The following LRRTM4 variants were observed in gnomAD, a reference collection of about 807,000 sequenced individuals.
LRRTM4 encodes the protein leucine-rich repeat transmembrane neuronal protein 4.
LRRTM4 carries 25 observed loss-of-function variants against 47.6 expected under a neutral mutation model. That is an observed-to-expected ratio of 0.53 (90% CI 0.38 to 0.73). LRRTM4 has a LOEUF of 0.73. Among genes scored for constraint, LRRTM4 ranks in the 30% least tolerant of loss-of-function variants. The pLI, the probability that LRRTM4 is intolerant of heterozygous loss-of-function variation, is 0.00. For synonymous variants in LRRTM4, 311 were observed against 269.5 expected (o/e 1.15, Z -1.51); for missense variants, 638 against 713.4 (o/e 0.89, Z 1.20).
At chr2:77,278,000 T>C (rs767483455) in intron 3 of LRRTM4, among the ~76,000 whole-genome samples, 2 of 151,972 alleles carry the variant, frequency 1.3e-5, no homozygotes, top group Non-Finnish European at 2.9e-5. Context: ...CTCTCTTTCT[T>C]TCCCCCAGAA....
At chr2:76,813,849 A>ATCTT (rs773023631) in intron 3 of LRRTM4, among the ~76,000 whole-genome samples, 64 of 152,306 alleles carry the variant, frequency 4.2e-4, no homozygotes, top group Middle Eastern at 3.4e-3. Flanking sequence ...TATTCTTACC[A>ATCTT]TCTTACATTA....
At position 77,357,897 on chromosome 2, in the gene LRRTM4, G is replaced by C. The variant is rs960467258; in HGVS notation, c.1551+160421C>G. Among the ~76,000 whole-genome samples, 3 of 151,770 alleles carry C rather than the reference G, an allele frequency of 2.0e-5. No homozygotes were observed. In the South Asian group the frequency reaches 6.3e-4, roughly 32 times the overall value. Reference sequence around the variant, plus strand: ...AGAAAAAATAACTTCCCACTCAGAGGGATTCTTATTATTTTATTTCCTCCC... The same window carrying C: ...AGAAAAAATAACTTCCCACTCAGAGCGATTCTTATTATTTTATTTCCTCCC... On this transcript the variant is annotated intron_variant, in intron 3 of 3. Coordinates refer to ENST00000409884, the MANE Select transcript of LRRTM4 (RefSeq NM_001134745.3).
chr2:77,477,550 C>T lies in LRRTM4; in HGVS notation c.1551+40768G>A, dbSNP rs190246123. Among the ~76,000 whole-genome samples, 357 of 151,948 alleles carry T rather than the reference C, an allele frequency of 2.3e-3. 2 individuals are homozygous for T. Among genetic ancestry groups the T allele is most frequent in the East Asian group, 0.018 (90 of 5,136 alleles). Reference sequence around the variant, plus strand: ...AGTATATGTAATGTTTTGTGCCCTTCAAAGCCACTAGGCCAGGCACAGTGG... The same window carrying T: ...AGTATATGTAATGTTTTGTGCCCTTTAAAGCCACTAGGCCAGGCACAGTGG... On this transcript the variant is annotated intron_variant, in intron 3 of 3. Coordinates refer to ENST00000409884, the MANE Select transcript of LRRTM4 (RefSeq NM_001134745.3).
chr2:76,750,541 GTT>G (rs1349274934), intron 3 of LRRTM4, among the ~76,000 whole-genome samples: 2 of 152,144 alleles, frequency 1.3e-5, no homozygotes, highest in Non-Finnish European at 2.9e-5. Context: ...ACTGGACTAT[GTT>G]TGAATCCTTC....
chr2:76,813,960 C>G (rs148818473), intron 3 of LRRTM4, among the ~76,000 whole-genome samples: 2 of 152,000 alleles, frequency 1.3e-5, no homozygotes, highest in African/African-American at 4.8e-5. Context: ...TTTTATTTTC[C>G]TGTTCCTGGA....
chr2:77,144,578 C>T (rs1672206967), intron 3 of LRRTM4, among the ~76,000 whole-genome samples: 1 of 152,170 alleles, frequency 6.6e-6, no homozygotes, highest in Admixed American at 6.5e-5. Context: ...TGTAGCTCAA[C>T]TCTACTCTGC....
At position 77,089,242 on chromosome 2, in the gene LRRTM4, T is replaced by A. The variant is rs1170747646; in HGVS notation, c.1552-340326A>T. On this transcript the variant is annotated intron_variant, in intron 3 of 3. Coordinates refer to ENST00000409884, the MANE Select transcript of LRRTM4 (RefSeq NM_001134745.3). ...CAAGTAACCGAACCCCTTGTCTTCT[T>A]GTCTCTACCCCTTCTCTGCTTTTCT... Among the ~76,000 whole-genome samples, 4 of 151,720 alleles carry A rather than the reference T, an allele frequency of 2.6e-5. No individual in the cohort carries two copies. The East Asian group carries it at 7.8e-4, about 30-fold the overall frequency.
intron 3 of LRRTM4, among the ~76,000 whole-genome samples, chr2:77,267,640 C>T (rs1366895762): frequency 1.3e-5 from 2 of 152,228 alleles, no homozygotes; most frequent in East Asian, 1.9e-4. Flanking sequence ...CACTTCATAA[C>T]ACCATTAGAG....
intron 3 of LRRTM4, among the ~76,000 whole-genome samples, chr2:77,477,712 G>T (rs1381339681): frequency 6.6e-6 from 1 of 151,406 alleles, no homozygotes; most frequent in African/African-American, 2.4e-5. Context: ...TACAAAATTA[G>T]CTCTGTGTGG....
intron 3 of LRRTM4, among the ~76,000 whole-genome samples, chr2:76,943,047 T>C (rs1046737439): frequency 4.6e-5 from 7 of 152,184 alleles, no homozygotes; most frequent in Non-Finnish European, 1.0e-4. Context: ...AGGGACATTA[T>C]GAAATACCAT....
chr2:76,823,790 G>C (rs1451822150), intron 3 of LRRTM4, among the ~76,000 whole-genome samples: 1 of 151,484 alleles, frequency 6.6e-6, no homozygotes, highest in African/African-American at 2.4e-5. Flanking sequence ...TCAAAGAGCA[G>C]AGAAAATGTT....
chr2:77,091,252 C>G lies in LRRTM4; in HGVS notation c.1552-342336G>C, dbSNP rs562228384. Among the ~76,000 whole-genome samples, 59 of 150,232 alleles carry G rather than the reference C, an allele frequency of 3.9e-4. No individual in the cohort carries two copies. The East Asian group carries it at 7.8e-3, about 20-fold the overall frequency. On this transcript the variant is annotated intron_variant, in intron 3 of 3. Transcript: ENST00000409884. ...TTTGCGTCCTCCTCTTGTATCCCCC[C>G]ACCTTAACCCACAAGTATAAGATAC...
chr2:76,979,774 G>A (rs970436116), intron 3 of LRRTM4, among the ~76,000 whole-genome samples: 1 of 151,686 alleles, frequency 6.6e-6, no homozygotes, highest in African/African-American at 2.4e-5. Context: ...AGTATTTGAA[G>A]ATGTTTCAGC....
At position 76,782,658 on chromosome 2, in the gene LRRTM4, A is replaced by G. The variant is rs539769856; in HGVS notation, c.1552-33742T>C. Among the ~76,000 whole-genome samples the G allele has an allele frequency of 6.4e-4, 98 of 152,204 alleles. No individual in the cohort carries two copies. In the South Asian group the frequency reaches 0.02, roughly 31 times the overall value. On this transcript the variant is annotated intron_variant, in intron 3 of 3. Coordinates refer to ENST00000409884, the MANE Select transcript of LRRTM4 (RefSeq NM_001134745.3). ...TCTGTGCTTTTTTGCTTACATTTTG[A>G]TACCTGTTAACTTTTTCTGATTTTT...
At chr2:77,058,397 T>C (rs1179833409) in intron 3 of LRRTM4, among the ~76,000 whole-genome samples, 1 of 152,158 alleles carries the variant, frequency 6.6e-6, no homozygotes, top group African/African-American at 2.4e-5. Flanking sequence ...TAGGCAAATG[T>C]GAAGAGAGGG....
chr2:76,786,676 C>T (rs1418547587), intron 3 of LRRTM4, among the ~76,000 whole-genome samples: 1 of 151,980 alleles, frequency 6.6e-6, no homozygotes, highest in African/African-American at 2.4e-5. Flanking sequence ...AGACAACTTC[C>T]TCCACTTCTT....
At chr2:76,797,589 T>A (rs1040023087) in intron 3 of LRRTM4, among the ~76,000 whole-genome samples, 1 of 150,852 alleles carries the variant, frequency 6.6e-6, no homozygotes, top group East Asian at 2.0e-4. Flanking sequence ...AACATCATAA[T>A]GACAGGATCA....
At chr2:77,277,667 G>A (rs926563173) in intron 3 of LRRTM4, among the ~76,000 whole-genome samples, 8 of 151,896 alleles carry the variant, frequency 5.3e-5, no homozygotes, top group African/African-American at 1.4e-4. Flanking sequence ...AAATTTCTCC[G>A]TTCATATGTA....
chr2:77,491,085 A>C (rs1200716577), intron 3 of LRRTM4, among the ~76,000 whole-genome samples: 1 of 152,020 alleles, frequency 6.6e-6, no homozygotes, highest in South Asian at 2.1e-4. Context: ...GATCAGAAAG[A>C]GAGAGAGAGA....
Sources: allele counts gnomAD v4.1 joint callset (sites outside exome capture counted in the v4.1 genomes callset), GRCh38; gene constraint gnomAD v4.1.1; transcripts MANE v1.5; gene names NCBI Gene and HGNC (gene_info 2026-07-23, HGNC 2026-07-21).